HIF1AN: variants seen among roughly 807,000 people sequenced by gnomAD.
HIF1AN encodes the protein hypoxia inducible factor 1 subunit alpha inhibitor.
A neutral mutation model predicts 47.7 loss-of-function variants in HIF1AN; 21 were observed. That is an observed-to-expected ratio of 0.44 (90% confidence interval 0.31 to 0.63). The LOEUF (loss-of-function observed/expected upper bound fraction) is 0.63, where lower values mean the gene tolerates loss of function less well. Among genes scored for constraint, HIF1AN ranks in the 30% least tolerant of loss-of-function variants. HIF1AN has a pLI of 0.07. For synonymous variants in HIF1AN, 152 were observed against 155.9 expected, an observed-to-expected ratio of 0.98 and a Z score of 0.18; for missense variants, 320 against 432.7, an observed-to-expected ratio of 0.74 and a Z score of 2.31.
At chr10:100,543,883 CTT>C (rs1170661658) in intron 3 of HIF1AN, among the ~76,000 whole-genome samples, 2 of 152,194 alleles carry the variant, frequency 1.3e-5, no homozygotes, top group African/African-American at 2.4e-5. Context: ...TTACTTGACT[CTT>C]ATGTCTTTCT....
At chr10:100,543,247 T>A (rs1263087090) in intron 3 of HIF1AN, among the ~76,000 whole-genome samples, 1 of 152,160 alleles carries the variant, frequency 6.6e-6, no homozygotes, top group Non-Finnish European at 1.5e-5. Flanking sequence ...TGGTGTGCAG[T>A]GGCATGATCA....
Position 100,551,888 on chromosome 10 carries a change from A to G in HIF1AN, c.*3751A>G, listed in dbSNP as rs1470621221. On this transcript the variant is annotated 3_prime_UTR_variant, in exon 8 of 8. Coordinates refer to ENST00000299163, the MANE Select transcript of HIF1AN (RefSeq NM_017902.3). ...GGGACTGTTGAGAGAGGAGGAAACC[A>G]GTAGAGAGCAAAGCTCTACCCAGGC... 3 of 152,236 alleles carry G rather than the reference A, an allele frequency of 2.0e-5. No individual in the cohort carries two copies. Among genetic ancestry groups the G allele is most frequent in the African/African-American group, 7.2e-5 (3 of 41,452 alleles). 9.4% of individuals were successfully genotyped at this position (152,236 alleles called of 1,614,324 possible).
In HIF1AN at chr10:100,557,381, T is replaced by C. The variant is rs549458963; in HGVS notation, c.*9244T>C. The C allele has an allele frequency of 2.6e-5, 4 of 152,352 alleles. No homozygotes were observed. Among genetic ancestry groups the C allele is most frequent in the Admixed American group, 1.3e-4 (2 of 15,306 alleles). 9.4% of individuals were successfully genotyped at this position (152,352 alleles called of 1,614,324 possible). ...CCTGCCAATGTGTGTGGAAATACTA[T>C]GTAAACTGAGCACTATATAAATGCT... is the stretch of plus-strand genomic sequence containing the variant. On this transcript the variant is annotated 3_prime_UTR_variant, in exon 8 of 8. Transcript: ENST00000299163.
chr10:100,539,704 C>T (rs1843001604), intron 2 of HIF1AN, among the ~76,000 whole-genome samples: 1 of 152,214 alleles, frequency 6.6e-6, no homozygotes, highest in Admixed American at 6.5e-5. Flanking sequence ...GGAAACAACA[C>T]AAGTCGCTTC....
Position 100,536,552 on chromosome 10 carries a change from A to G in HIF1AN, c.319A>G (p.Lys107Glu). 1 of 1,614,210 alleles carries G rather than the reference A, an allele frequency of 6.2e-7. No homozygotes were observed. Among genetic ancestry groups the G allele is most frequent in the South Asian group, 1.1e-5 (1 of 91,086 alleles). ...THKFLYYDEK[K>E]MANFQNFKPR... ...CAAGTTCTTGTACTATGATGAGAAGAAGATGGCCAATTTCCAGAACTTTAA... is the reference window on the plus strand; with the variant it reads ...CAAGTTCTTGTACTATGATGAGAAGGAGATGGCCAATTTCCAGAACTTTAA... The change falls in exon 2 of 8, where the codon AAG becomes GAG. Residue 107 changes from lysine to glutamate, a missense_variant. Around this residue, in one of 2 missense-constraint regions of HIF1AN, gnomAD observed 159 missense variants for 159.9 expected, o/e 0.99. Transcript: ENST00000299163.
At chr10:100,544,569 G>A (rs567074964) in intron 3 of HIF1AN, among the ~76,000 whole-genome samples, 1 of 152,318 alleles carries the variant, frequency 6.6e-6, no homozygotes, top group East Asian at 1.9e-4. Context: ...GTTGATACCA[G>A]TCATTTCTGT....
chr10:100,537,712 C>T (rs983066285), intron 2 of HIF1AN, among the ~76,000 whole-genome samples: 14 of 152,194 alleles, frequency 9.2e-5, no homozygotes, highest in African/African-American at 3.4e-4. Context: ...GAATTACCCT[C>T]TCGCATTTGG....
At position 100,558,741 on chromosome 10, in the gene HIF1AN, A is replaced by G. The variant is rs1009984652; in HGVS notation, c.*10604A>G. On this transcript the variant is annotated 3_prime_UTR_variant, in exon 8 of 8. Transcript: ENST00000299163. ...CACAGTCTAGTCAGTGGCCCAACCA[A>G]CATATCTGGTTGTTCTGCAATCTCA... 7 of 152,234 alleles carry G rather than the reference A, an allele frequency of 4.6e-5. No individual in the cohort carries two copies. Among genetic ancestry groups the G allele is most frequent in the Non-Finnish European group, 1.0e-4 (7 of 68,040 alleles). 9.4% of individuals were successfully genotyped at this position (152,234 alleles called of 1,614,324 possible). A position where few individuals can be genotyped will look rare whatever the true frequency, so the allele number is the denominator to read the frequency against.
Position 100,550,029 on chromosome 10 carries a change from ACTT to A in HIF1AN, c.*1896_*1898del, listed in dbSNP as rs1451429879. Reference sequence around the variant, plus strand: ...TGATTGCAGTGATCTCTATCTCTCCACTTCTTTTGGGAAAGAGGAGCACAGGAG... The same window carrying A: ...TGATTGCAGTGATCTCTATCTCTCCACTTTTGGGAAAGAGGAGCACAGGAG... On this transcript the variant is annotated 3_prime_UTR_variant, in exon 8 of 8. Coordinates refer to ENST00000299163, the MANE Select transcript of HIF1AN (RefSeq NM_017902.3). 3.3e-5 allele frequency: 5 copies of A among 152,142 alleles called. No homozygotes were observed. In the East Asian group the frequency reaches 5.8e-4, roughly 18 times the overall value. 9.4% of individuals were successfully genotyped at this position (152,142 alleles called of 1,614,324 possible). A position where few individuals can be genotyped will look rare whatever the true frequency, so the allele number is the denominator to read the frequency against.
At position 100,552,305 on chromosome 10, in the gene HIF1AN, C is replaced by A. The variant is rs1054616274; in HGVS notation, c.*4168C>A. ...TGGGAACTTCCCAAAAATGGGGCTGCGTCTCGCCTCTCAGTAGGTTCCCTA... is the reference window on the plus strand; with the variant it reads ...TGGGAACTTCCCAAAAATGGGGCTGAGTCTCGCCTCTCAGTAGGTTCCCTA... On this transcript the variant is annotated 3_prime_UTR_variant, in exon 8 of 8. Coordinates refer to ENST00000299163, the MANE Select transcript of HIF1AN (RefSeq NM_017902.3). 6.6e-6 allele frequency: 1 copy of A among 152,246 alleles called. No homozygotes were observed. Among genetic ancestry groups the A allele is most frequent in the African/African-American group, 2.4e-5 (1 of 41,462 alleles). The allele number at this position is 152,246 out of a possible 1,614,324, so 9.4% of individuals were successfully genotyped here.
intron 2 of HIF1AN, among the ~76,000 whole-genome samples, chr10:100,540,194 A>C (rs1230753341): frequency 3.5e-5 from 5 of 142,268 alleles, no homozygotes; most frequent in African/African-American, 2.6e-5. Flanking sequence ...TTTTCATCTC[A>C]CCCTCCTACT....
At chr10:100,546,395 C>T in intron 5 of HIF1AN, 123 bp from the exon 6 acceptor site, 1 of 739,740 alleles carries the variant, frequency 1.4e-6, no homozygotes, top group Non-Finnish European at 2.4e-6. Flanking sequence ...ATTGTCTTCA[C>T]TATTTTCCGT....
At chr10:100,545,181 G>GATAT in intron 4 of HIF1AN, 85 bp downstream of exon 4, 9 of 1,426,106 alleles carry the variant, frequency 6.3e-6, no homozygotes, top group Non-Finnish European at 8.7e-6. Flanking sequence ...TCCCCGTAGT[G>GATAT]ATATGCCAGG....
rs185584833 is a variant in HIF1AN, at chr10:100,558,295, G to T, written c.*10158G>T. The T allele has an allele frequency of 6.6e-6, 1 of 152,268 alleles. No individual in the cohort carries two copies. The highest frequency in any genetic ancestry group is 2.4e-5 in the African/African-American group (1 of 41,552). 9.4% of individuals were successfully genotyped at this position (152,268 alleles called of 1,614,324 possible). On this transcript the variant is annotated 3_prime_UTR_variant, in exon 8 of 8. Transcript: ENST00000299163. ...TTACAGCAATCCTGCATTCAACCAG[G>T]TTTCATCTGAAAAACTTAAGAGTTG...
At chr10:100,539,530 C>T (rs1842999114) in intron 2 of HIF1AN, among the ~76,000 whole-genome samples, 1 of 152,248 alleles carries the variant, frequency 6.6e-6, no homozygotes, top group Non-Finnish European at 1.5e-5. Flanking sequence ...AGGCTTATTT[C>T]TCACTTACTA....
intron 3 of HIF1AN, among the ~76,000 whole-genome samples, chr10:100,541,081 T>C (rs1843023330): frequency 6.6e-6 from 1 of 152,070 alleles, no homozygotes; most frequent in African/African-American, 2.4e-5. Context: ...CAGCTGGGCA[T>C]GGTGGTGCGT....
Position 100,554,879 on chromosome 10 carries a change from A to G in HIF1AN, c.*6742A>G, listed in dbSNP as rs1437707229. 6.6e-6 allele frequency: 1 copy of G among 151,994 alleles called. No homozygotes were observed. Among genetic ancestry groups the G allele is most frequent in the Non-Finnish European group, 1.5e-5 (1 of 68,026 alleles). The allele number at this position is 151,994 out of a possible 1,614,324, so 9.4% of individuals were successfully genotyped here. A position where few individuals can be genotyped will look rare whatever the true frequency, so the allele number is the denominator to read the frequency against. The stretch of plus-strand genomic sequence containing the variant: ...AGAAGGGCAATCAAAATTCAGAAAA[A>G]TATGAGTGGGATGTTAATAGCTACC... On this transcript the variant is annotated 3_prime_UTR_variant, in exon 8 of 8. Transcript: ENST00000299163.
rs1195683550 is a variant in HIF1AN at position 100,554,808 on chromosome 10, A to C, written c.*6671A>C. 1.2e-5 allele frequency: 1 copy of C among 86,896 alleles called. No homozygotes were observed. The highest frequency in any genetic ancestry group is 2.4e-5 in the Non-Finnish European group (1 of 41,494). 5.4% of individuals were successfully genotyped at this position (86,896 alleles called of 1,614,324 possible). A position where few individuals can be genotyped will look rare whatever the true frequency, so the allele number is the denominator to read the frequency against. ...GTGACTACAGTGAGACTCCCTCTCA[A>C]AAAAAAAAAAAAAAAATTATGAGTA... On this transcript the variant is annotated 3_prime_UTR_variant, in exon 8 of 8. Coordinates refer to ENST00000299163, the MANE Select transcript of HIF1AN (RefSeq NM_017902.3).
At chr10:100,542,842 A>AT (rs1186242124) in intron 3 of HIF1AN, among the ~76,000 whole-genome samples, 24 of 112,858 alleles carry the variant, frequency 2.1e-4, no homozygotes, top group Non-Finnish European at 3.9e-4. Flanking sequence ...AAATATGTGA[A>AT]TGTGTTTTTT....
Sources: gnomAD v4.1 joint callset for allele counts (sites outside exome capture counted in the v4.1 genomes callset) on GRCh38, gnomAD v4.1.1 for gene constraint, gnomAD v4.1.1 regional missense constraint, MANE v1.5 for transcripts, NCBI Gene and HGNC (gene_info 2026-07-23, HGNC 2026-07-21) for gene names.